Variants in AP1M1 observed in about 807,000 individuals in gnomAD.
The protein encoded by AP1M1 is adaptor related protein complex 1 subunit mu 1, also known as AP-1 complex subunit mu-1.
In AP1M1, 18 loss-of-function variants were observed where a neutral mutation model predicts 57.1. The ratio of observed to expected loss-of-function variants is 0.32; its 90% CI spans 0.22 to 0.47. AP1M1 has a LOEUF of 0.47. Among genes scored for constraint, AP1M1 ranks in the 20% least tolerant of loss-of-function variants. AP1M1 has a pLI of 1.00. For missense variants in AP1M1, 362 were observed against 593.5 expected, an observed-to-expected ratio of 0.61 and a Z score of 4.05; for synonymous variants, 241 against 237.9, an observed-to-expected ratio of 1.01 and a Z score of -0.12.
In AP1M1 at chr19:16,227,297, G is replaced by A. The variant is rs1258684373; in HGVS notation, c.674-251G>A. On this transcript the variant is annotated intron_variant, in intron 6 of 11. Transcript: ENST00000291439. This position sits in a 1 kb window ranked among gnomAD's most constrained non-coding sequence, Gnocchi z 6.2. ...TGTCCTGAGCAGGTCCCCTGGCTGG[G>A]CCCTGGGATGGCCGCTGGGGACTCA... Among the ~76,000 whole-genome samples, 1 of 113,602 alleles carries A rather than the reference G, an allele frequency of 8.8e-6. No individual in the cohort carries two copies. The highest frequency in any genetic ancestry group is 2.5e-5 in the African/African-American group (1 of 39,222). The allele number at this position is 113,602 out of a possible 152,430, so 74.5% of individuals were successfully genotyped here.
chr19:16,221,497 T>C (rs1002436105), intron 5 of AP1M1, among the ~76,000 whole-genome samples: 4 of 152,320 alleles, frequency 2.6e-5, no homozygotes, highest in Non-Finnish European at 2.9e-5. Context: ...CCTGACTGGC[T>C]AATAACTTAA....
Position 16,227,491 on chromosome 19 carries a change from T to A in AP1M1, c.674-57T>A. The A allele has an allele frequency of 1.9e-6, 3 of 1,585,412 alleles. No homozygotes were observed. The highest frequency in any genetic ancestry group is 1.7e-4 in the Middle Eastern group (1 of 5,960). On this transcript the variant is annotated intron_variant, in intron 6 of 11. Transcript: ENST00000291439. The surrounding 1 kb of genome is among the most constrained non-coding windows in gnomAD (Gnocchi z 6.2). ...GGTGGGTTGCAGGTGGTAGGAGTAC[T>A]GCTGAGATAGTGACCCGGAGGGCCC...
At chr19:16,198,736 G>C (rs987922219) in intron 1 of AP1M1, among the ~76,000 whole-genome samples, 1 of 152,138 alleles carries the variant, frequency 6.6e-6, no homozygotes, top group African/African-American at 2.4e-5. Flanking sequence ...CTGATATCTG[G>C]GGAGCACCTA....
chr19:16,210,258 G>T, intron 5 of AP1M1: 3 of 655,508 alleles, frequency 4.6e-6, no homozygotes, highest in African/African-American at 1.8e-5. Context: ...AACCACAGAA[G>T]GACATTTGGG....
rs1308616321 is a variant in AP1M1 at position 16,238,533 on chromosome 19, G to C, written c.*4098G>C. ...GTATAAAATACGGAAATAATATTTT[G>C]CGTGCTTAGGGATCTATATATATCC... is the stretch of plus-strand genomic sequence containing the variant. On this transcript the variant is annotated 3_prime_UTR_variant, in exon 12 of 12. Transcript: ENST00000291439. 1.3e-5 allele frequency: 2 copies of C among 152,036 alleles called. No individual in the cohort carries two copies. The highest frequency in any genetic ancestry group is 4.8e-5 in the African/African-American group (2 of 41,374). The allele number at this position is 152,036 out of a possible 1,614,324, so 9.4% of individuals were successfully genotyped here.
chr19:16,216,212 A>G (rs143834521), intron 5 of AP1M1, among the ~76,000 whole-genome samples: 128 of 152,244 alleles, frequency 8.4e-4, no homozygotes, highest in African/African-American at 2.7e-3. Flanking sequence ...TTGGGAGGCC[A>G]AGGTGGGCGG....
chr19:16,229,753 C>G (rs1157957200), intron 9 of AP1M1, among the ~76,000 whole-genome samples: 1 of 152,162 alleles, frequency 6.6e-6, no homozygotes, highest in Non-Finnish European at 1.5e-5. Context: ...AGCCAGTTAC[C>G]CCACCACCTA....
rs745679023 is a variant in AP1M1, at chr19:16,226,446, G to A, written c.572G>A (p.Arg191His). The A allele has an allele frequency of 1.7e-5, 27 of 1,563,238 alleles. No individual in the cohort carries two copies. Among genetic ancestry groups the A allele is most frequent in the African/African-American group, 2.7e-5 (2 of 74,388 alleles). Residue 191 changes from arginine to histidine, a missense_variant, in exon 6 of 12, where the codon CGC becomes CAC. Coordinates refer to ENST00000291439, the MANE Select transcript of AP1M1 (RefSeq NM_032493.4). Reference protein sequence around the residue: ...LLVSANGNVLRSEIVGSIKMR... With the variant: ...LLVSANGNVLHSEIVGSIKMR... ...GTCAGCGCCAACGGCAATGTCCTGCGCAGCGAGATCGTGGGCTCCATCAAG... is the reference window on the plus strand; with the variant it reads ...GTCAGCGCCAACGGCAATGTCCTGCACAGCGAGATCGTGGGCTCCATCAAG...
chr19:16,209,735 A>G (rs1464357951), intron 5 of AP1M1, among the ~76,000 whole-genome samples: 12 of 152,184 alleles, frequency 7.9e-5, no homozygotes, highest in Non-Finnish European at 1.2e-4. Flanking sequence ...TGATTTTTCT[A>G]TAAACCTGAG....
At position 16,207,947 on chromosome 19, in the gene AP1M1, C is replaced by T. The variant is rs2091476209; in HGVS notation, c.268-72C>T. The T allele has an allele frequency of 1.4e-5, 22 of 1,537,348 alleles. No homozygotes were observed. The highest frequency in any genetic ancestry group is 1.9e-5 in the Non-Finnish European group (22 of 1,134,622). ...TAGCGGGCAAATGAATGTGTGCAAGCGTTCATTCATTCCTCATCCGTCCGC... is the reference window on the plus strand; with the variant it reads ...TAGCGGGCAAATGAATGTGTGCAAGTGTTCATTCATTCCTCATCCGTCCGC... On this transcript the variant is annotated intron_variant, in intron 3 of 11. Coordinates refer to ENST00000291439, the MANE Select transcript of AP1M1 (RefSeq NM_032493.4). This position sits in a 1 kb window ranked among gnomAD's most constrained non-coding sequence, Gnocchi z 4.2.
chr19:16,203,434 C>A lies in AP1M1; in HGVS notation c.43-25C>A. On this transcript the variant is annotated intron_variant, in intron 1 of 11. Coordinates refer to ENST00000291439, the MANE Select transcript of AP1M1 (RefSeq NM_032493.4). This position sits in a 1 kb window ranked among gnomAD's most constrained non-coding sequence, Gnocchi z 4.6. ...ATTGTAGAACTGAAAATGCAAGCAT[C>A]TTTTCTCTTCCTTCCCCACCCCAGG... 2 of 1,614,120 alleles carry A rather than the reference C, an allele frequency of 1.2e-6. No homozygotes were observed. The highest frequency in any genetic ancestry group is 1.7e-6 in the Non-Finnish European group (2 of 1,179,972).
chr19:16,227,481 G>A lies in AP1M1; in HGVS notation c.674-67G>A. 1 of 1,568,246 alleles carries A rather than the reference G, an allele frequency of 6.4e-7. No individual in the cohort carries two copies. Among genetic ancestry groups the A allele is most frequent in the Non-Finnish European group, 8.7e-7 (1 of 1,145,874 alleles). ...GCTCTGCCGGGGTGGGTTGCAGGTG[G>A]TAGGAGTACTGCTGAGATAGTGACC... On this transcript the variant is annotated intron_variant, in intron 6 of 11. Transcript: ENST00000291439. The surrounding 1 kb of genome is among the most constrained non-coding windows in gnomAD (Gnocchi z 6.2).
rs551165801 is a variant in AP1M1, at chr19:16,237,270, C to T, written c.*2835C>T. ...CCAGCATGGTGAAGCCCCATCTATA[C>T]TAAAAATACAAGAATTAGCCGGGTG... On this transcript the variant is annotated 3_prime_UTR_variant, in exon 12 of 12. Coordinates refer to ENST00000291439, the MANE Select transcript of AP1M1 (RefSeq NM_032493.4). 2.0e-5 allele frequency: 3 copies of T among 152,338 alleles called. No homozygotes were observed. The highest frequency in any genetic ancestry group is 7.2e-5 in the African/African-American group (3 of 41,564). 9.4% of individuals were successfully genotyped at this position (152,338 alleles called of 1,614,324 possible). A position where few individuals can be genotyped will look rare whatever the true frequency, so the allele number is the denominator to read the frequency against.
chr19:16,218,547 C>T lies in AP1M1; in HGVS notation c.547-7874C>T, dbSNP rs936759453. Among the ~76,000 whole-genome samples, 2 of 152,210 alleles carry T rather than the reference C, an allele frequency of 1.3e-5. 1 individual carries two copies. Among genetic ancestry groups the T allele is most frequent in the African/African-American group, 4.8e-5 (2 of 41,458 alleles). ...CCAGCCTCCTCCTCTGCCTTCCATC[C>T]AGCCTCTATGTCTTCCCTCCGTTCA... On this transcript the variant is annotated intron_variant, in intron 5 of 11. Coordinates refer to ENST00000291439, the MANE Select transcript of AP1M1 (RefSeq NM_032493.4).
chr19:16,229,935 G>A lies in AP1M1; in HGVS notation c.1047+1007G>A, dbSNP rs77902451. On this transcript the variant is annotated intron_variant, in intron 9 of 11. Coordinates refer to ENST00000291439, the MANE Select transcript of AP1M1 (RefSeq NM_032493.4). ...TTCTTGGCGGTCACCTTTGGGAGCT[G>A]TGGATATTCCATGGAGGGGTGGTGA... 7.7e-3 allele frequency among the ~76,000 whole-genome samples: 1,170 copies of A among 152,340 alleles called. 13 individuals carry two copies. The highest frequency in any genetic ancestry group is 0.026 in the African/African-American group (1,067 of 41,574).
chr19:16,227,286 C>T lies in AP1M1; in HGVS notation c.674-262C>T, dbSNP rs1311381787. 7.1e-6 allele frequency among the ~76,000 whole-genome samples: 1 copy of T among 141,668 alleles called. No homozygotes were observed. Among genetic ancestry groups the T allele is most frequent in the Admixed American group, 7.2e-5 (1 of 13,826 alleles). The allele number at this position is 141,668 out of a possible 152,430, so 92.9% of individuals were successfully genotyped here. A position where few individuals can be genotyped will look rare whatever the true frequency, so the allele number is the denominator to read the frequency against. ...TTCAGTGAACGTGTCCTGAGCAGGT[C>T]CCCTGGCTGGGCCCTGGGATGGCCG... On this transcript the variant is annotated intron_variant, in intron 6 of 11. Transcript: ENST00000291439. The surrounding 1 kb of genome is among the most constrained non-coding windows in gnomAD (Gnocchi z 6.2).
chr19:16,208,063 G>A lies in AP1M1; in HGVS notation c.312G>A (p.Arg104=), dbSNP rs1429547958. The A allele has an allele frequency of 1.2e-6, 2 of 1,613,932 alleles. No individual in the cohort carries two copies. Among genetic ancestry groups the A allele is most frequent in the Non-Finnish European group, 1.7e-6 (2 of 1,179,948 alleles). Residue 104 remains arginine (R), a synonymous_variant, in exon 4 of 12, where the codon CGG becomes CGA. Transcript: ENST00000291439. ...AGGAGCTGGAGGAGGAGAGCATCCG[G>A]GACAACTTTGTTATCATCTACGAGC... is the stretch of plus-strand genomic sequence containing the variant. The part of the protein sequence containing the change: ...YFKELEEESI[R]DNFVIIYELL...
chr19:16,198,964 C>T (rs566071421), intron 1 of AP1M1, among the ~76,000 whole-genome samples: 3 of 152,210 alleles, frequency 2.0e-5, no homozygotes, highest in Admixed American at 6.5e-5. Flanking sequence ...CCTGCCACTA[C>T]GCCGAGCTAA....
rs2091623944 is a variant in AP1M1 at position 16,236,131 on chromosome 19, G to A, written c.*1696G>A. 1 of 152,718 alleles carries A rather than the reference G, an allele frequency of 6.5e-6. No individual in the cohort carries two copies. The highest frequency in any genetic ancestry group is 6.5e-5 in the Admixed American group (1 of 15,282). 9.5% of individuals were successfully genotyped at this position (152,718 alleles called of 1,614,324 possible). ...GCAGCCAGCCCTCATGGCCCCTCCA[G>A]AAAACCCTGGGGCTGACCCCATTTG... On this transcript the variant is annotated 3_prime_UTR_variant, in exon 12 of 12. Transcript: ENST00000291439.
Sources: allele counts gnomAD v4.1 joint callset (sites outside exome capture counted in the v4.1 genomes callset), GRCh38; gene constraint gnomAD v4.1.1; non-coding constraint Gnocchi (gnomAD v3.1); transcripts MANE v1.5; gene names NCBI Gene and HGNC (gene_info 2026-07-23, HGNC 2026-07-21).